EIF2B5: variants seen among roughly 807,000 people sequenced by gnomAD.
EIF2B5 encodes the protein translation initiation factor eIF2B subunit epsilon.
In EIF2B5, 38 loss-of-function variants were observed where a neutral mutation model predicts 87.3. That is an observed-to-expected ratio of 0.44 (90% CI 0.34 to 0.57). The LOEUF is 0.57. Ranked by LOEUF, EIF2B5 falls within the 20% of genes least tolerant of loss-of-function variation. EIF2B5 has a pLI of 0.02. For synonymous variants in EIF2B5, 313 were observed against 339.6 expected (o/e 0.92, Z 0.86); for missense variants, 784 against 909.5 (o/e 0.86, Z 1.78).
intron 1 of EIF2B5, 25 bp from the exon 2 acceptor site, chr3:184,136,586 GT>G (rs776734512): frequency 6.2e-7 from 1 of 1,613,564 alleles, no homozygotes. Context: ...GAGACCTCAA[GT>G]TTTTTTTCAT....
chr3:184,144,489 T>C (rs1713776289), intron 14 of EIF2B5, 108 bp from the exon 15 acceptor site: 6 of 1,118,084 alleles, frequency 5.4e-6, no homozygotes, highest in Non-Finnish European at 1.3e-6. Context: ...CTCACTCTTG[T>C]CCGTTTTGGA....
intron 1 of EIF2B5, 90 bp from the exon 2 acceptor site, chr3:184,136,522 G>T: frequency 6.6e-7 from 1 of 1,526,274 alleles, no homozygotes; most frequent in Non-Finnish European, 9.0e-7. Context: ...TACACTGTTT[G>T]GAAATACGAA....
At chr3:184,137,138 C>CTCAG (rs1350655697) in intron 2 of EIF2B5, 6 of 347,504 alleles carry the variant, frequency 1.7e-5, no homozygotes, top group African/African-American at 1.1e-4. Flanking sequence ...CACTGCCTAG[C>CTCAG]TCAGTCCCAA....
Position 184,137,613 on chromosome 3 carries a change from CCT to C in EIF2B5, c.321-6_321-5del. On this transcript the variant is annotated splice_region_variant and splice_polypyrimidine_tract_variant and intron_variant, in intron 2 of 15. Transcript: ENST00000648915. ...ACACTCATTCCCCTCACCCTCCCTT[CCT>C]TTAGGAAGTCAAAGTGGTGCCGCCC... is the stretch of plus-strand genomic sequence containing the variant. 6.2e-7 allele frequency: 1 copy of C among 1,613,866 alleles called. No individual in the cohort carries two copies. Among genetic ancestry groups the C allele is most frequent in the Non-Finnish European group, 8.5e-7 (1 of 1,179,776 alleles).
intron 13 of EIF2B5, 37 bp from the exon 14 acceptor site, chr3:184,144,062 T>G: frequency 6.2e-7 from 1 of 1,614,160 alleles, no homozygotes; most frequent in Non-Finnish European, 8.5e-7. Context: ...AGGTGAATGC[T>G]TAGGAATATA....
rs143693426 is a variant in EIF2B5, at chr3:184,137,495, G to A, written c.321-125G>A. ...CATAATACTCTTTGAAGTTGAAGAC[G>A]CTGGCAAGAACCCAAAAAAGCCATC... On this transcript the variant is annotated intron_variant, in intron 2 of 15. Coordinates refer to ENST00000648915, the MANE Select transcript of EIF2B5 (RefSeq NM_003907.3). The A allele has an allele frequency of 2.0e-5, 17 of 869,002 alleles. No homozygotes were observed. The Admixed American group carries it at 2.0e-4, about 10-fold the overall frequency. 53.8% of individuals were successfully genotyped at this position (869,002 alleles called of 1,614,324 possible).
chr3:184,142,116 G>A lies in EIF2B5; in HGVS notation c.1302+46G>A, dbSNP rs1424623308. 1.2e-6 allele frequency: 2 copies of A among 1,614,076 alleles called. No homozygotes were observed. Among genetic ancestry groups the A allele is most frequent in the Non-Finnish European group, 1.7e-6 (2 of 1,180,012 alleles). ...TGCACAGGCCCTGAATTGCATGGCA[G>A]TCACACTGAGCCAGAAGGGGCATTA... On this transcript the variant is annotated intron_variant, in intron 8 of 15. Coordinates refer to ENST00000648915, the MANE Select transcript of EIF2B5 (RefSeq NM_003907.3). This position sits in a 1 kb window ranked among gnomAD's most constrained non-coding sequence, Gnocchi z 5.0.
chr3:184,144,485 C>G (rs189456152), intron 14 of EIF2B5, 112 bp from the exon 15 acceptor site: 1 of 1,102,420 alleles, frequency 9.1e-7, no homozygotes, highest in East Asian at 2.5e-5. Context: ...ACAGCTCACT[C>G]TTGTCCGTTT....
At chr3:184,140,826 A>G (rs2109009362) in intron 7 of EIF2B5, 96 bp downstream of exon 7, 1 of 1,400,560 alleles carries the variant, frequency 7.1e-7, no homozygotes, top group East Asian at 2.3e-5. Context: ...CACAAGGGAC[A>G]GTCCCTGGGA....
Position 184,144,086 on chromosome 3 carries a change from C to G in EIF2B5, c.1870-13C>G, listed in dbSNP as rs1387562601. On this transcript the variant is annotated splice_polypyrimidine_tract_variant and intron_variant, in intron 13 of 15. Transcript: ENST00000648915. ...CTTAGGAATATACTGCAGCTCCCTT[C>G]TTTCTTCCATAGCTGCTAAAGGCCT... 1.2e-6 allele frequency: 2 copies of G among 1,614,118 alleles called. No individual in the cohort carries two copies. The highest frequency in any genetic ancestry group is 1.3e-5 in the African/African-American group (1 of 74,954).
rs565302516 is a variant in EIF2B5 at position 184,142,860 on chromosome 3, G to A, written c.1628G>A (p.Gly543Asp). 1.2e-5 allele frequency: 19 copies of A among 1,613,968 alleles called. No individual in the cohort carries two copies. The South Asian group carries it at 2.1e-4, about 18-fold the overall frequency. The change falls in exon 11 of 16, where the codon GGC becomes GAC. Residue 543 changes from glycine (G) to aspartate (D), a missense_variant. Around this residue, in one of 3 missense-constraint regions of EIF2B5, gnomAD observed 660 missense variants for 789.5 expected, o/e 0.84. Coordinates refer to ENST00000648915, the MANE Select transcript of EIF2B5 (RefSeq NM_003907.3). The surrounding 1 kb of genome is among the most constrained non-coding windows in gnomAD (Gnocchi z 5.0). Reference protein sequence around the residue: ...MDSEEPDSRGGSPQMDDIKVF... With the variant: ...MDSEEPDSRGDSPQMDDIKVF... ...TCTGAGGAGCCGGACAGCCGGGGAGGCTCCCCTCAGATGGATGACATCAAA... is the reference window on the plus strand; with the variant it reads ...TCTGAGGAGCCGGACAGCCGGGGAGACTCCCCTCAGATGGATGACATCAAA...
intron 12 of EIF2B5, 114 bp downstream of exon 12, chr3:184,143,256 G>A: frequency 6.8e-7 from 1 of 1,466,976 alleles, no homozygotes; most frequent in African/African-American, 1.4e-5. Context: ...CAAATGGAAA[G>A]ACCAGTAGTA....
intron 1 of EIF2B5, 106 bp downstream of exon 1, chr3:184,135,686 C>T: frequency 4.9e-6 from 7 of 1,432,136 alleles, no homozygotes; most frequent in Non-Finnish European, 9.6e-7. Context: ...GGACCTGCGT[C>T]TATGCTGTTA....
At position 184,135,460 on chromosome 3, in the gene EIF2B5, A is replaced by G. The variant is rs1713303669; in HGVS notation, c.75A>G (p.Gly25=). Residue 25 remains glycine (G), a synonymous_variant, in exon 1 of 16, where the codon GGA becomes GGG. Transcript: ENST00000648915. ...ACAAGCGCAGCGGCGCGGGGCCGGG[A>G]GGCAGCGGTGGCGGGGGAGCCAGAG... ...RANKRSGAGP[G]GSGGGGARGA... is the part of the protein sequence containing the mutation. 1.9e-6 allele frequency: 3 copies of G among 1,581,280 alleles called. No homozygotes were observed. The highest frequency in any genetic ancestry group is 2.6e-6 in the Non-Finnish European group (3 of 1,164,612).
At position 184,145,105 on chromosome 3, in the gene EIF2B5, A is replaced by C; in HGVS notation, c.*162A>C. 2 of 706,312 alleles carry C rather than the reference A, an allele frequency of 2.8e-6. No homozygotes were observed. Among genetic ancestry groups the C allele is most frequent in the Non-Finnish European group, 5.0e-6 (2 of 398,760 alleles). The allele number at this position is 706,312 out of a possible 1,614,324, so 43.8% of individuals were successfully genotyped here. ...AGTATTCTTTCCCCTGCTAGCAACC[A>C]TGTGCCTCCCATCCTGACTGTGGAG... On this transcript the variant is annotated 3_prime_UTR_variant, in exon 16 of 16. Transcript: ENST00000648915. The surrounding 1 kb of genome is among the most constrained non-coding windows in gnomAD (Gnocchi z 4.0).
intron 14 of EIF2B5, among the ~76,000 whole-genome samples, 172 bp from the exon 15 acceptor site, chr3:184,144,425 T>C (rs1713772976): frequency 6.6e-6 from 1 of 152,016 alleles, no homozygotes; most frequent in Non-Finnish European, 1.5e-5. Context: ...TGTGCAAAGC[T>C]CTCCCCAGCA....
In EIF2B5 at chr3:184,142,611, A is replaced by C. The variant is rs779194709; in HGVS notation, c.1546+8A>C. The C allele has an allele frequency of 6.2e-7, 1 of 1,612,258 alleles. No individual in the cohort carries two copies. Among genetic ancestry groups the C allele is most frequent in the Non-Finnish European group, 8.5e-7 (1 of 1,178,902 alleles). On this transcript the variant is annotated splice_region_variant and intron_variant, in intron 10 of 15. Coordinates refer to ENST00000648915, the MANE Select transcript of EIF2B5 (RefSeq NM_003907.3). This position sits in a 1 kb window ranked among gnomAD's most constrained non-coding sequence, Gnocchi z 5.0. ...TGCAGCAGAATCTGTGGGGTGAGCT[A>C]GGCCTGATGCCTGCCCTTCTCCTCC...
In EIF2B5 at chr3:184,140,487, A is replaced by T. The variant is rs200143780; in HGVS notation, c.913A>T (p.Met305Leu). 236 of 1,614,034 alleles carry T rather than the reference A, an allele frequency of 1.5e-4. No homozygotes were observed. The highest frequency in any genetic ancestry group is 2.0e-4 in the Non-Finnish European group (233 of 1,180,012). Reference protein sequence around the residue: ...EYGARVSNLHMYSAVCADVIR... With the variant: ...EYGARVSNLHLYSAVCADVIR... ...TGGTGCCCGTGTCTCCAACCTACACATGTACTCAGCTGTCTGTGCTGACGT... is the reference window on the plus strand; with the variant it reads ...TGGTGCCCGTGTCTCCAACCTACACTTGTACTCAGCTGTCTGTGCTGACGT... The change falls in exon 7 of 16, where the codon ATG becomes TTG. Residue 305 changes from methionine (M) to leucine (L), a missense_variant. Met to Leu is a conservative substitution (Grantham distance 15, BLOSUM62 2). Around this residue, in one of 3 missense-constraint regions of EIF2B5, gnomAD observed 660 missense variants for 789.5 expected, o/e 0.84. Coordinates refer to ENST00000648915, the MANE Select transcript of EIF2B5 (RefSeq NM_003907.3).
chr3:184,136,028 G>T, intron 1 of EIF2B5: 2 of 223,390 alleles, frequency 9.0e-6, no homozygotes, highest in Non-Finnish European at 1.8e-5. Flanking sequence ...AATGATAGCC[G>T]GTGCTATCTG....
Sources: gnomAD v4.1 joint callset for allele counts (sites outside exome capture counted in the v4.1 genomes callset) on GRCh38, gnomAD v4.1.1 for gene constraint, gnomAD v4.1.1 regional missense constraint, Gnocchi (gnomAD v3.1) non-coding constraint, MANE v1.5 for transcripts, NCBI Gene and HGNC (gene_info 2026-07-23, HGNC 2026-07-21) for gene names.